Variants in ME2 observed in about 807,000 individuals in gnomAD.
ME2 encodes the protein NAD-dependent malic enzyme, mitochondrial.
Under a neutral mutation model 73.7 loss-of-function variants are expected in ME2, and 60 were observed. That is an observed-to-expected ratio of 0.81 (90% CI 0.66 to 1.01). The LOEUF is 1.01. Among genes scored for constraint, ME2 ranks in the 50% least tolerant of loss-of-function variants. The pLI, the probability that ME2 is intolerant of heterozygous loss-of-function variation, is 0.00. For missense variants in ME2, 594 were observed against 705.5 expected (o/e 0.84, Z 1.79); for synonymous variants, 199 against 236.9 (o/e 0.84, Z 1.47).
intron 13 of ME2, chr18:50,939,288 G>A (rs1036414228): frequency 1.1e-5 from 3 of 272,476 alleles, no homozygotes; most frequent in South Asian, 5.8e-5. Flanking sequence ...GGGAACTGGA[G>A]TTAAAACAAG....
At chr18:50,896,744 C>T (rs1290854527) in intron 2 of ME2, among the ~76,000 whole-genome samples, 1 of 152,100 alleles carries the variant, frequency 6.6e-6, no homozygotes, top group Non-Finnish European at 1.5e-5. Context: ...CCGTTTGTTT[C>T]CCACTATCAG....
chr18:50,908,228 TG>T (rs1211960522), intron 3 of ME2, 32 bp downstream of exon 3: 1 of 1,515,724 alleles, frequency 6.6e-7, no homozygotes. Flanking sequence ...CTTTTTTTAT[TG>T]GTATTCTGAT....
intron 2 of ME2, among the ~76,000 whole-genome samples, chr18:50,899,105 C>T (rs1352938448): frequency 2.0e-5 from 3 of 152,188 alleles, no homozygotes; most frequent in Admixed American, 6.5e-5. Context: ...TGTGCTCTGC[C>T]TCCTGTCAGA....
chr18:50,905,806 G>A (rs1356440821), intron 2 of ME2, among the ~76,000 whole-genome samples: 1 of 152,164 alleles, frequency 6.6e-6, no homozygotes. Context: ...GCTTCAGAGA[G>A]AATAGATTGT....
At chr18:50,933,173 A>G (rs79708440) in intron 13 of ME2, 1 of 152,158 alleles carries the variant, frequency 6.6e-6, no homozygotes, top group Non-Finnish European at 1.5e-5. Flanking sequence ...ATTCCTTTCA[A>G]TGTTTCTGCC....
chr18:50,891,130 T>C (rs1722364763), intron 1 of ME2, among the ~76,000 whole-genome samples: 1 of 152,160 alleles, frequency 6.6e-6, no homozygotes, highest in Admixed American at 6.5e-5. Flanking sequence ...GAAGAAACTG[T>C]GTAAATCTAA....
At chr18:50,894,016 AAAC>A (rs1346316397) in intron 1 of ME2, among the ~76,000 whole-genome samples, 1 of 152,204 alleles carries the variant, frequency 6.6e-6, no homozygotes, top group African/African-American at 2.4e-5. Context: ...AATATGAGTG[AAAC>A]ATTCTTGGCA....
chr18:50,934,794 A>C (rs1917778325), intron 13 of ME2: 1 of 152,200 alleles, frequency 6.6e-6, no homozygotes, highest in Non-Finnish European at 1.5e-5. Flanking sequence ...AACCGGATGA[A>C]AATTTTTTTT....
At chr18:50,889,726 A>C (rs1047241878) in intron 1 of ME2, among the ~76,000 whole-genome samples, 2 of 152,220 alleles carry the variant, frequency 1.3e-5, no homozygotes, top group Non-Finnish European at 2.9e-5. Context: ...ATTTCTAGGA[A>C]TCTCATGCAG....
Position 50,886,128 on chromosome 18 carries a change from G to A in ME2, c.-13+6820G>A, listed in dbSNP as rs757335479. Among the ~76,000 whole-genome samples the A allele has an allele frequency of 6.8e-4, 102 of 149,812 alleles. 1 individual carries two copies. Among genetic ancestry groups the A allele is most frequent in the Non-Finnish European group, 8.3e-4 (56 of 67,800 alleles). On this transcript the variant is annotated intron_variant, in intron 1 of 15. Transcript: ENST00000321341. ...TGGTTCTATATATATGTGTGTGTGTGTATATATTTATACTATATACCCACA... is the reference window on the plus strand; with the variant it reads ...TGGTTCTATATATATGTGTGTGTGTATATATATTTATACTATATACCCACA...
At chr18:50,934,936 C>T (rs1032600069) in intron 13 of ME2, 2 of 152,066 alleles carry the variant, frequency 1.3e-5, no homozygotes, top group Non-Finnish European at 2.9e-5. Flanking sequence ...GAAATATAGA[C>T]CAGGAAGAAA....
At chr18:50,914,019 C>T (rs185563989) in intron 4 of ME2, among the ~76,000 whole-genome samples, 1 of 152,166 alleles carries the variant, frequency 6.6e-6, no homozygotes, top group Non-Finnish European at 1.5e-5. Context: ...AGTCTCCTGT[C>T]GCCTTGTCTA....
intron 4 of ME2, chr18:50,913,287 G>T: frequency 5.9e-6 from 1 of 169,498 alleles, no homozygotes; most frequent in South Asian, 1.8e-4. Context: ...TGTCAATAAA[G>T]TCAAATTAAG....
At chr18:50,933,296 C>G (rs1219731649) in intron 13 of ME2, 1 of 152,090 alleles carries the variant, frequency 6.6e-6, no homozygotes, top group Admixed American at 6.6e-5. Flanking sequence ...GCACTTGTGT[C>G]TTTTTTCTTC....
At chr18:50,896,916 C>T (rs1916760005) in intron 2 of ME2, among the ~76,000 whole-genome samples, 1 of 152,194 alleles carries the variant, frequency 6.6e-6, no homozygotes, top group Admixed American at 6.5e-5. Flanking sequence ...TTAAATGAAG[C>T]TTAATGAAGG....
At position 50,949,440 on chromosome 18, in the gene ME2, C is replaced by T. The variant is rs1034561094; in HGVS notation, c.*2256C>T. ...CCTGGAACTCCTGGGTTCAAGCTCT[C>T]CTCCTGCCTCAGCCTCCTGAGCAGC... On this transcript the variant is annotated 3_prime_UTR_variant, in exon 16 of 16. Transcript: ENST00000321341. 1.3e-5 allele frequency: 2 copies of T among 152,182 alleles called. No individual in the cohort carries two copies. The highest frequency in any genetic ancestry group is 2.4e-5 in the African/African-American group (1 of 41,418). The allele number at this position is 152,182 out of a possible 1,614,324, so 9.4% of individuals were successfully genotyped here.
chr18:50,880,707 C>G (rs1447605455), intron 1 of ME2, among the ~76,000 whole-genome samples: 1 of 152,076 alleles, frequency 6.6e-6, no homozygotes, highest in Non-Finnish European at 1.5e-5. Flanking sequence ...CGTTAGCGAC[C>G]GCGCCTAGCT....
intron 13 of ME2, 46 bp downstream of exon 13, chr18:50,932,406 T>A: frequency 7.0e-7 from 1 of 1,425,170 alleles, no homozygotes; most frequent in Non-Finnish European, 9.8e-7. Context: ...GTTAATTATG[T>A]AAAAATACTT....
rs759348066 is a variant in ME2, at chr18:50,932,263, G to A, written c.1320G>A (p.Arg440=). Residue 440 remains arginine, a synonymous_variant, in exon 13 of 16, where the codon AGG becomes AGA. Coordinates refer to ENST00000321341, the MANE Select transcript of ME2 (RefSeq NM_002396.5). The stretch of plus-strand genomic sequence containing the variant: ...TTATTTCATTTTATTAACAGGGCAG[G>A]TGTTTGTTTGCCAGTGGCAGTCCAT... ...AEEAYTLTEG[R]CLFASGSPFG... The A allele has an allele frequency of 6.2e-7, 1 of 1,612,172 alleles. No individual in the cohort carries two copies. Among genetic ancestry groups the A allele is most frequent in the South Asian group, 1.1e-5 (1 of 90,814 alleles).
Sources: allele counts gnomAD v4.1 joint callset (sites outside exome capture counted in the v4.1 genomes callset), GRCh38; gene constraint gnomAD v4.1.1; transcripts MANE v1.5; gene names NCBI Gene and HGNC (gene_info 2026-07-23, HGNC 2026-07-21).